The following CATSPERE variants were observed in gnomAD, a reference collection of about 807,000 sequenced individuals.
CATSPERE encodes cation channel sperm-associated auxiliary subunit epsilon.
In CATSPERE, 93 loss-of-function variants were observed where a neutral mutation model predicts 114.1. The ratio of observed to expected loss-of-function variants is 0.81; its 90% CI spans 0.69 to 0.97. The LOEUF (loss-of-function observed/expected upper bound fraction) is 0.97, where lower values mean the gene tolerates loss of function less well. Ranked by LOEUF, CATSPERE falls within the 50% of genes least tolerant of loss-of-function variation. The pLI is 0.00. For missense variants in CATSPERE, 1,058 were observed against 1,131.6 expected, an observed-to-expected ratio of 0.93 and a Z score of 0.93; for synonymous variants, 341 against 384.1, an observed-to-expected ratio of 0.89 and a Z score of 1.31.
chr1:244,547,177 A>G (rs189449992), intron 8 of CATSPERE, among the ~76,000 whole-genome samples: 6 of 152,288 alleles, frequency 3.9e-5, no homozygotes, highest in South Asian at 2.1e-4. Flanking sequence ...ATGGGATGAT[A>G]TATTCATATT....
At chr1:244,625,491 C>A (rs368338974) in intron 20 of CATSPERE, among the ~76,000 whole-genome samples, 3 of 115,756 alleles carry the variant, frequency 2.6e-5, no homozygotes, top group African/African-American at 1.0e-4. Flanking sequence ...TGCAGTGGTG[C>A]GATCTCGGCT....
intron 7 of CATSPERE, 30 bp from the exon 8 acceptor site, chr1:244,518,561 AT>A (rs1272800443): frequency 3.9e-6 from 5 of 1,298,422 alleles, no homozygotes; most frequent in Non-Finnish European, 5.6e-6. Flanking sequence ...TATGAAAATA[AT>A]AAAAAATGAA....
intron 12 of CATSPERE, 88 bp downstream of exon 12, chr1:244,581,942 T>G: frequency 1.8e-6 from 1 of 541,648 alleles, no homozygotes; most frequent in African/African-American, 2.0e-5. Context: ...TTAAATGGCC[T>G]CATATTCTTT....
intron 8 of CATSPERE, among the ~76,000 whole-genome samples, chr1:244,545,921 C>T (rs955902545): frequency 6.6e-6 from 1 of 152,314 alleles, no homozygotes; most frequent in East Asian, 1.9e-4. Context: ...ATGGGGCATT[C>T]CCTACAATGA....
chr1:244,582,957 ATATATATATATATATATAT>A (rs1558539104), intron 12 of CATSPERE, among the ~76,000 whole-genome samples: 38 of 2,180 alleles, frequency 0.017, no homozygotes, highest in African/African-American at 0.037. Flanking sequence ...ATATATATAT[ATATATATATATATATATAT>A]AAATCAGTGA....
intron 5 of CATSPERE, among the ~76,000 whole-genome samples, chr1:244,483,358 G>T (rs1274511200): frequency 6.6e-6 from 1 of 152,164 alleles, no homozygotes; most frequent in East Asian, 1.9e-4. Flanking sequence ...AAGTACAATT[G>T]CCTAAAAGTA....
upstream of CATSPERE, among the ~76,000 whole-genome samples, chr1:244,454,166 G>A (rs1665903926): frequency 6.6e-6 from 1 of 152,040 alleles, no homozygotes; most frequent in South Asian, 2.1e-4. Flanking sequence ...CACATTTGAT[G>A]AGCCCTACAG....
rs181896554 is a variant in CATSPERE at position 244,516,729 on chromosome 1, C to T, written c.430-1863C>T. On this transcript the variant is annotated intron_variant, in intron 7 of 21. Coordinates refer to ENST00000366534, the MANE Select transcript of CATSPERE (RefSeq NM_001130957.2). ...TAGAGACAGAGTTTCACCATGTTGG[C>T]GAGGCTAGCCTCGAACTCTTGACTT... is the stretch of plus-strand genomic sequence containing the variant. Among the ~76,000 whole-genome samples the T allele has an allele frequency of 1.4e-4, 22 of 152,100 alleles. No individual in the cohort carries two copies. In the East Asian group the frequency reaches 3.7e-3, roughly 25 times the overall value.
intron 6 of CATSPERE, among the ~76,000 whole-genome samples, chr1:244,492,833 C>G (rs1672444987): frequency 6.8e-6 from 1 of 147,432 alleles, no homozygotes; most frequent in African/African-American, 2.5e-5. Flanking sequence ...CATGAGTGAA[C>G]TCCCATTCAC....
intron 2 of CATSPERE, among the ~76,000 whole-genome samples, chr1:244,472,446 A>G (rs965494735): frequency 6.6e-6 from 1 of 152,060 alleles, no homozygotes; most frequent in African/African-American, 2.4e-5. Flanking sequence ...ACCTTTGCCC[A>G]TGGCTTTTAA....
intron 9 of CATSPERE, among the ~76,000 whole-genome samples, chr1:244,555,816 C>T (rs145603544): frequency 5.6e-4 from 85 of 152,222 alleles, no homozygotes; most frequent in African/African-American, 1.9e-3. Context: ...ATCAAGAAAG[C>T]ACTCCTATTT....
At position 244,565,006 on chromosome 1, in the gene CATSPERE, CAT is replaced by C. The variant is rs373638539; in HGVS notation, c.1507+3862_1507+3863del. 3.7e-3 allele frequency among the ~76,000 whole-genome samples: 557 copies of C among 152,258 alleles called. 2 individuals carry two copies. The highest frequency in any genetic ancestry group is 0.013 in the African/African-American group (520 of 41,560). On this transcript the variant is annotated intron_variant, in intron 10 of 21. Transcript: ENST00000366534. ...CCTTTTCTGCATCTATTGAGACAAA[CAT>C]GTGGTTTTTGTCATTGGTTCTGTTT...
At chr1:244,476,428 C>T (rs1009012163) in intron 2 of CATSPERE, among the ~76,000 whole-genome samples, 66 of 152,132 alleles carry the variant, frequency 4.3e-4, no homozygotes, top group Admixed American at 4.2e-3. Context: ...ATAAAATCTA[C>T]CACTATATTT....
At position 244,514,602 on chromosome 1, in the gene CATSPERE, G is replaced by T. The variant is rs528873785; in HGVS notation, c.430-3990G>T. Among the ~76,000 whole-genome samples, 948 of 152,242 alleles carry T rather than the reference G, an allele frequency of 6.2e-3. 5 individuals carry two copies. The highest frequency in any genetic ancestry group is 0.044 in the Middle Eastern group (13 of 294). On this transcript the variant is annotated intron_variant, in intron 7 of 21. Transcript: ENST00000366534. The stretch of plus-strand genomic sequence containing the variant: ...CCCAGCACTTTGGGAGGCCGAGGCG[G>T]GTGGATCACGAGGTCAGGAGATTGA...
At chr1:244,557,531 T>TAATATA (rs1661769799) in intron 9 of CATSPERE, among the ~76,000 whole-genome samples, 3 of 28,854 alleles carry the variant, frequency 1.0e-4, no homozygotes, top group African/African-American at 2.3e-4. Flanking sequence ...TTTGAAATAT[T>TAATATA]CATATATATA....
chr1:244,639,364 G>A (rs1312361729), intron 21 of CATSPERE, among the ~76,000 whole-genome samples: 2 of 152,214 alleles, frequency 1.3e-5, no homozygotes, highest in Non-Finnish European at 2.9e-5. Context: ...TCCACTGGAA[G>A]GCCTTCCATG....
chr1:244,542,319 C>T (rs1229056745), intron 8 of CATSPERE, among the ~76,000 whole-genome samples: 1 of 152,104 alleles, frequency 6.6e-6, no homozygotes, highest in Non-Finnish European at 1.5e-5. Context: ...CGCCTTGATG[C>T]TGTGCTTTTC....
chr1:244,624,129 T>TTTTTTC, intron 20 of CATSPERE, among the ~76,000 whole-genome samples: 1 of 796 alleles, frequency 1.3e-3, no homozygotes, highest in East Asian at 0.05. Context: ...GCCCAGCTAA[T>TTTTTTC]TTTTTTTTTT....
At chr1:244,469,820 C>G (rs935765947) in intron 2 of CATSPERE, among the ~76,000 whole-genome samples, 2 of 152,076 alleles carry the variant, frequency 1.3e-5, no homozygotes, top group Admixed American at 1.3e-4. Flanking sequence ...AAGCTTACTA[C>G]AAAGCTGCAG....
Sources: gnomAD v4.1 joint callset for allele counts (sites outside exome capture counted in the v4.1 genomes callset) on GRCh38, gnomAD v4.1.1 for gene constraint, MANE v1.5 for transcripts, NCBI Gene and HGNC (gene_info 2026-07-23, HGNC 2026-07-21) for gene names.